NF2: variants seen among roughly 807,000 people sequenced by gnomAD.
NF2 encodes the protein merlin.
A neutral mutation model predicts 83.7 loss-of-function variants in NF2; 8 were observed. The ratio of observed to expected loss-of-function variants is 0.10; its 90% CI spans 0.06 to 0.17. The LOEUF is 0.17. Among genes scored for constraint, NF2 ranks in the 10% least tolerant of loss-of-function variants. The pLI, the probability that NF2 is intolerant of heterozygous loss-of-function variation, is 1.00. For synonymous variants in NF2, 266 were observed against 269.6 expected, an observed-to-expected ratio of 0.99 and a Z score of 0.13; for missense variants, 533 against 744.4, an observed-to-expected ratio of 0.72 and a Z score of 3.31.
chr22:29,640,810 CA>C (rs748649452), intron 3 of NF2, among the ~76,000 whole-genome samples: 9 of 151,778 alleles, frequency 5.9e-5, no homozygotes, highest in Non-Finnish European at 1.2e-4. Context: ...AAAGAGGTGA[CA>C]AATTTATTTC....
intron 9 of NF2, among the ~76,000 whole-genome samples, 183 bp downstream of exon 9, chr22:29,665,247 T>G (rs67923540): frequency 7.7e-4 from 109 of 141,102 alleles, no homozygotes; most frequent in Non-Finnish European, 1.1e-3. Context: ...TTTTTTTTTT[T>G]GTTTTTTTTT....
intron 3 of NF2, among the ~76,000 whole-genome samples, chr22:29,640,599 G>A (rs1444256036): frequency 6.6e-6 from 1 of 152,162 alleles, no homozygotes; most frequent in East Asian, 1.9e-4. Context: ...TTTCAGTAAT[G>A]TAAAAGATGG....
At chr22:29,662,627 G>A (rs759992170) in intron 8 of NF2, among the ~76,000 whole-genome samples, 5 of 152,194 alleles carry the variant, frequency 3.3e-5, no homozygotes, top group Non-Finnish European at 7.3e-5. Flanking sequence ...CACCCTGACC[G>A]TCTGAATTTA....
intron 1 of NF2, among the ~76,000 whole-genome samples, chr22:29,623,353 C>A (rs928960010): frequency 6.6e-6 from 1 of 152,040 alleles, no homozygotes; most frequent in Non-Finnish European, 1.5e-5. Flanking sequence ...GAAGTTTTTA[C>A]TAGAAGTGTG....
At chr22:29,646,580 T>C (rs1311882052) in intron 4 of NF2, among the ~76,000 whole-genome samples, 21 of 152,224 alleles carry the variant, frequency 1.4e-4, no homozygotes, top group Non-Finnish European at 5.9e-5. Context: ...CATTAACACA[T>C]GGAATGTAAT....
At chr22:29,673,784 T>C (rs911199885) in intron 12 of NF2, among the ~76,000 whole-genome samples, 5 of 152,210 alleles carry the variant, frequency 3.3e-5, no homozygotes, top group Non-Finnish European at 7.3e-5. Context: ...CCCCTGAGCA[T>C]ATCCACAGAC....
At position 29,698,463 on chromosome 22, in the gene NF2, G is replaced by T. The variant is rs937739502; in HGVS notation, c.*3661G>T. On this transcript the variant is annotated 3_prime_UTR_variant, in exon 16 of 16. Coordinates refer to ENST00000338641, the MANE Select transcript of NF2 (RefSeq NM_000268.4). The stretch of plus-strand genomic sequence containing the variant: ...CAGGGAAGCGCCATCCATTTTCAAA[G>T]ATGTCAAACGTCACTTCTTCCTGTA... 1.4e-5 allele frequency: 3 copies of T among 215,902 alleles called. No homozygotes were observed. Among genetic ancestry groups the T allele is most frequent in the African/African-American group, 6.8e-5 (3 of 44,288 alleles). 13.4% of individuals were successfully genotyped at this position (215,902 alleles called of 1,614,324 possible).
intron 15 of NF2, chr22:29,683,553 G>T (rs1432438163): frequency 9.0e-7 from 1 of 1,111,226 alleles, no homozygotes; most frequent in Non-Finnish European, 1.1e-6. Flanking sequence ...AGGGTTGCTT[G>T]TGCTGGCTCA....
intron 12 of NF2, 58 bp from the exon 13 acceptor site, chr22:29,674,778 G>A: frequency 6.7e-7 from 1 of 1,488,556 alleles, no homozygotes; most frequent in Admixed American, 2.0e-5. Context: ...GTGGGGTGGT[G>A]TCTTTTCCTG....
At chr22:29,683,440 A>T in intron 15 of NF2, 2 of 1,247,964 alleles carry the variant, frequency 1.6e-6, no homozygotes. Flanking sequence ...CAATCTGGGC[A>T]CTTTGGAGAC....
rs2067513652 is a variant in NF2 at position 29,695,158 on chromosome 22, G to A, written c.*356G>A. On this transcript the variant is annotated 3_prime_UTR_variant, in exon 16 of 16. Transcript: ENST00000338641. The surrounding 1 kb of genome is among the most constrained non-coding windows in gnomAD (Gnocchi z 5.4). ...CCACCGCCCAGCCTGGGAAGTCATT[G>A]TAGGGAGTGAGACACTGAAGCCCTG... The A allele has an allele frequency of 6.6e-6, 3 of 455,674 alleles. No individual in the cohort carries two copies. In the South Asian group the frequency reaches 6.7e-5, roughly 10 times the overall value. 28.2% of individuals were successfully genotyped at this position (455,674 alleles called of 1,614,324 possible). A position where few individuals can be genotyped will look rare whatever the true frequency, so the allele number is the denominator to read the frequency against.
chr22:29,674,738 A>T lies in NF2; in HGVS notation c.1341-98A>T. The T allele has an allele frequency of 5.9e-6, 6 of 1,019,058 alleles. 1 individual carries two copies. In the South Asian group the frequency reaches 8.2e-5, roughly 14 times the overall value. 63.1% of individuals were successfully genotyped at this position (1,019,058 alleles called of 1,614,324 possible). On this transcript the variant is annotated intron_variant, in intron 12 of 15. Transcript: ENST00000338641. ...TTTCACCTCTTTGGGTGCCATCCTC[A>T]GGGTTAGCCCAGGTCCCTCCTCTGC...
intron 5 of NF2, 55 bp from the exon 6 acceptor site, chr22:29,655,539 C>A (rs2146971303): frequency 1.5e-6 from 2 of 1,337,136 alleles, no homozygotes; most frequent in Non-Finnish European, 1.1e-6. Flanking sequence ...AAGTGGCAAA[C>A]AATACCAAAT....
chr22:29,668,632 A>G (rs901493385), intron 10 of NF2, among the ~76,000 whole-genome samples, 186 bp downstream of exon 10: 1 of 152,236 alleles, frequency 6.6e-6, no homozygotes, highest in African/African-American at 2.4e-5. Flanking sequence ...AATGAGGAAT[A>G]AACCCTAATA....
chr22:29,655,499 C>A, intron 5 of NF2, 95 bp from the exon 6 acceptor site: 1 of 916,528 alleles, frequency 1.1e-6, no homozygotes, highest in Non-Finnish European at 1.8e-6. Flanking sequence ...AATAGCTTTA[C>A]TGTTTTGTAA....
intron 8 of NF2, among the ~76,000 whole-genome samples, chr22:29,663,321 A>G (rs2066527967): frequency 6.6e-6 from 1 of 152,198 alleles, no homozygotes; most frequent in South Asian, 2.1e-4. Flanking sequence ...CTCCCATACT[A>G]TGGCCTGACA....
At chr22:29,677,717 C>T (rs1383370946) in intron 13 of NF2, among the ~76,000 whole-genome samples, 1 of 152,190 alleles carries the variant, frequency 6.6e-6, no homozygotes, top group Non-Finnish European at 1.5e-5. Context: ...CCTGGCACTG[C>T]CTTGGATCCC....
chr22:29,636,575 A>G lies in NF2; in HGVS notation c.115-176A>G, dbSNP rs1348524267. Among the ~76,000 whole-genome samples, 1 of 152,154 alleles carries G rather than the reference A, an allele frequency of 6.6e-6. No homozygotes were observed. The highest frequency in any genetic ancestry group is 1.5e-5 in the Non-Finnish European group (1 of 68,028). ...ATTAAGCCATTAAGCTCTAATTGGT[A>G]TTTTCCCACTCATGGGTTTGTAAAG... On this transcript the variant is annotated intron_variant, in intron 1 of 15. Coordinates refer to ENST00000338641, the MANE Select transcript of NF2 (RefSeq NM_000268.4). This position sits in a 1 kb window ranked among gnomAD's most constrained non-coding sequence, Gnocchi z 4.4.
At chr22:29,614,244 C>T (rs943441098) in intron 1 of NF2, among the ~76,000 whole-genome samples, 27 of 150,206 alleles carry the variant, frequency 1.8e-4, no homozygotes, top group Admixed American at 1.4e-3. Context: ...GAGTTCAAGA[C>T]GAGGCTGGCC....
Sources: gnomAD v4.1 joint callset for allele counts (sites outside exome capture counted in the v4.1 genomes callset) on GRCh38, gnomAD v4.1.1 for gene constraint, Gnocchi (gnomAD v3.1) non-coding constraint, MANE v1.5 for transcripts, NCBI Gene and HGNC (gene_info 2026-07-23, HGNC 2026-07-21) for gene names.